The following SPACA6 variants were observed in gnomAD, a reference collection of about 807,000 sequenced individuals.
SPACA6 encodes sperm acrosome membrane-associated protein 6.
For synonymous variants in SPACA6, 6 were observed against 1.5 expected, an observed-to-expected ratio of 4.05 and a Z score of -2.21; for missense variants, 8 against 2.8, an observed-to-expected ratio of 2.88 and a Z score of -1.34.
upstream of SPACA6, chr19:51,693,225 A>G (rs534766417): frequency 2.0e-4 from 125 of 624,578 alleles, no homozygotes; most frequent in East Asian, 3.7e-3. Context: ...CCCCCACCCC[A>G]GGGTCTACCG....
upstream of SPACA6, chr19:51,693,028 C>T (rs1210475952): frequency 5.5e-6 from 2 of 365,892 alleles, no homozygotes; most frequent in Non-Finnish European, 5.5e-6. Context: ...CCTTCCCTGT[C>T]TGTCTCCATC....
At chr19:51,695,845 A>G (rs2083427095) in intron 2 of SPACA6, among the ~76,000 whole-genome samples, 1 of 151,996 alleles carries the variant, frequency 6.6e-6, no homozygotes, top group African/African-American at 2.4e-5. Flanking sequence ...GTGAAGGTGG[A>G]GAAGGGCCAG....
chr19:51,684,135 G>A (rs891200678), upstream of SPACA6, among the ~76,000 whole-genome samples: 2 of 152,042 alleles, frequency 1.3e-5, no homozygotes, highest in Admixed American at 6.5e-5. Context: ...GGTTTTTTTG[G>A]GGGGAGAAGG....
At chr19:51,692,609 C>A, upstream of SPACA6, 1 of 529,154 alleles carries the variant, frequency 1.9e-6, no homozygotes, top group Non-Finnish European at 3.9e-6. The surrounding 1 kb of genome is among the most constrained non-coding windows in gnomAD (Gnocchi z 5.6). Flanking sequence ...ACTCCTGGGT[C>A]CTGGCACCCA....
In SPACA6 at chr19:51,702,632, A is replaced by G. The variant is rs1256036274; in HGVS notation, c.365A>G (p.Gln122Arg). 7.5e-6 allele frequency: 3 copies of G among 399,210 alleles called. No homozygotes were observed. Among genetic ancestry groups the G allele is most frequent in the East Asian group, 7.1e-5 (2 of 28,064 alleles). 24.7% of individuals were successfully genotyped at this position (399,210 alleles called of 1,614,324 possible). Residue 122 changes from glutamine (Q) to arginine (R), a missense_variant, in exon 4 of 9, where the codon CAG becomes CGG. Physicochemically the swap from Gln to Arg is conservative, Grantham distance 43. Coordinates refer to ENST00000637797, the MANE Select transcript of SPACA6 (RefSeq NM_001316972.2). ...GATGTTTCCTCTTCCTCCACAGCCC[A>G]GGCTTGCATCCCTCCCTGCGGTAAG... ...KKVITQLKEA[Q>R]ACIPPCGLQE...
chr19:51,686,854 T>C (rs1406258360), upstream of SPACA6: 1 of 152,248 alleles, frequency 6.6e-6, no homozygotes. Flanking sequence ...CAAGTAGTCA[T>C]TCAATAAAGG....
upstream of SPACA6, among the ~76,000 whole-genome samples, chr19:51,684,222 CA>C (rs1338909003): frequency 6.6e-6 from 1 of 152,142 alleles, no homozygotes; most frequent in Non-Finnish European, 1.5e-5. Context: ...GATCTATTAT[CA>C]GAGGTAGGAG....
Position 51,704,334 on chromosome 19 carries a change from G to T in SPACA6, c.795G>T (p.Trp265Cys), listed in dbSNP as rs2083497095. 2.5e-6 allele frequency: 1 copy of T among 400,890 alleles called. No individual in the cohort carries two copies. The highest frequency in any genetic ancestry group is 4.4e-6 in the Non-Finnish European group (1 of 226,122). 24.8% of individuals were successfully genotyped at this position (400,890 alleles called of 1,614,324 possible). ...LQASFREVLR[W>C]APRDAELIEP... ...CCTCGTTCCGGGAAGTGCTGCGCTG[G>T]GCGCCGCGGGATGCCGAGCTGATCG... The change falls in exon 8 of 9, where the codon TGG becomes TGT. Residue 265 changes from tryptophan (W) to cysteine (C), a missense_variant. Coordinates refer to ENST00000637797, the MANE Select transcript of SPACA6 (RefSeq NM_001316972.2).
chr19:51,701,639 C>T lies in SPACA6; in HGVS notation c.293-19C>T. Reference sequence around the variant, plus strand: ...GGAAGGGCTTTACTACACAGGCCGTCCTCCCCTCCACTCTCCAGGATCCTT... The same window carrying T: ...GGAAGGGCTTTACTACACAGGCCGTTCTCCCCTCCACTCTCCAGGATCCTT... On this transcript the variant is annotated intron_variant, in intron 2 of 8. Transcript: ENST00000637797. The T allele has an allele frequency of 2.5e-6, 1 of 398,788 alleles. No homozygotes were observed. The highest frequency in any genetic ancestry group is 2.1e-5 in the African/African-American group (1 of 48,590). 24.7% of individuals were successfully genotyped at this position (398,788 alleles called of 1,614,324 possible). A position where few individuals can be genotyped will look rare whatever the true frequency, so the allele number is the denominator to read the frequency against.
At chr19:51,693,776 G>T in intron 1 of SPACA6, 36 bp downstream of exon 1, 1 of 405,002 alleles carries the variant, frequency 2.5e-6, no homozygotes, top group South Asian at 1.3e-4. Context: ...AGTGTCCTGG[G>T]GAAGGTGCAG....
chr19:51,682,888 C>T, the SPACA6 span, among the ~76,000 whole-genome samples: 8 of 152,024 alleles, frequency 5.3e-5, no homozygotes, highest in African/African-American at 9.7e-5. Flanking sequence ...ACTAAAAATA[C>T]GAAAATTAGC....
intron 8 of SPACA6, 88 bp from the exon 9 acceptor site, chr19:51,705,002 C>T: frequency 3.2e-6 from 1 of 314,032 alleles, no homozygotes; most frequent in Non-Finnish European, 5.2e-6. Context: ...GCCCTGTACA[C>T]CTTTTTGACC....
chr19:51,699,862 A>T (rs8107817), intron 2 of SPACA6, among the ~76,000 whole-genome samples: 79,096 of 151,982 alleles, frequency 0.52, 23,972 homozygotes, highest in East Asian at 0.96. Flanking sequence ...CTGCCACATT[A>T]CTGATTTCCA....
chr19:51,695,050 G>A (rs549523497), intron 2 of SPACA6, among the ~76,000 whole-genome samples: 16 of 151,974 alleles, frequency 1.1e-4, no homozygotes, highest in Non-Finnish European at 1.9e-4. Context: ...ACACAGACAC[G>A]CTCAGAGACA....
At chr19:51,700,384 A>G (rs949579791) in intron 2 of SPACA6, among the ~76,000 whole-genome samples, 6 of 152,176 alleles carry the variant, frequency 3.9e-5, no homozygotes, top group Non-Finnish European at 5.9e-5. Context: ...AGTGACTGCT[A>G]CCCATCTCCA....
chr19:51,692,985 C>T, upstream of SPACA6: 1 of 406,748 alleles, frequency 2.5e-6, no homozygotes, highest in Non-Finnish European at 5.0e-6. The surrounding 1 kb of genome is among the most constrained non-coding windows in gnomAD (Gnocchi z 5.6). Flanking sequence ...TGTCCTTGTC[C>T]CTGCATCCCC....
chr19:51,689,801 G>A (rs893836734), upstream of SPACA6, among the ~76,000 whole-genome samples: 1 of 151,740 alleles, frequency 6.6e-6, no homozygotes, highest in Non-Finnish European at 1.5e-5. Context: ...ACACTTCCTG[G>A]ATTCAAGAGG....
At chr19:51,695,037 C>CG (rs2083417673) in intron 2 of SPACA6, among the ~76,000 whole-genome samples, 1 of 149,424 alleles carries the variant, frequency 6.7e-6, no homozygotes, top group African/African-American at 2.6e-5. Flanking sequence ...CACACACACT[C>CG]GCACACAGAC....
downstream of SPACA6, among the ~76,000 whole-genome samples, chr19:51,706,720 T>C (rs562677057): frequency 5.9e-5 from 9 of 152,046 alleles, 1 homozygote; most frequent in African/African-American, 2.2e-4. Flanking sequence ...AGTGCAATGG[T>C]GCGATGTCGG....
Sources: gnomAD v4.1 joint callset for allele counts (sites outside exome capture counted in the v4.1 genomes callset) on GRCh38, gnomAD v4.1.1 for gene constraint, Gnocchi (gnomAD v3.1) non-coding constraint, MANE v1.5 for transcripts, NCBI Gene and HGNC (gene_info 2026-07-23, HGNC 2026-07-21) for gene names.